Variants in DIXDC1 observed in about 807,000 individuals in gnomAD.
The protein encoded by DIXDC1 is DIX domain containing 1.
In DIXDC1, 64 loss-of-function variants were observed where a neutral mutation model predicts 103.1. That is an observed-to-expected ratio of 0.62 (90% CI 0.51 to 0.76). The LOEUF is 0.76. Ranked by LOEUF, DIXDC1 falls within the 30% of genes least tolerant of loss-of-function variation. The probability of loss-of-function intolerance (pLI) is 0.00; values close to 1 mark genes in which losing one functional copy is unlikely to be tolerated. For missense variants in DIXDC1, 759 were observed against 834.2 expected, an observed-to-expected ratio of 0.91 and a Z score of 1.11; for synonymous variants, 266 against 298.5, an observed-to-expected ratio of 0.89 and a Z score of 1.12.
chr11:112,004,026 TTATA>T lies in DIXDC1; in HGVS notation c.1756+7900_1756+7903del, dbSNP rs34490826. Reference sequence around the variant, plus strand: ...AAACCCCATCTTAAAAAAAAAAAAATTATATATATATATATATATATATGTATGT... The same window carrying T: ...AAACCCCATCTTAAAAAAAAAAAAATTATATATATATATATATATGTATGT... On this transcript the variant is annotated intron_variant, in intron 17 of 19. Transcript: ENST00000440460. 3.2e-3 allele frequency among the ~76,000 whole-genome samples: 406 copies of T among 128,438 alleles called. 3 individuals carry two copies. Among genetic ancestry groups the T allele is most frequent in the South Asian group, 0.015 (61 of 3,940 alleles). 84.3% of individuals were successfully genotyped at this position (128,438 alleles called of 152,430 possible).
At chr11:111,949,563 A>G (rs587654121) in intron 1 of DIXDC1, among the ~76,000 whole-genome samples, 57 of 152,272 alleles carry the variant, frequency 3.7e-4, no homozygotes, top group Non-Finnish European at 6.0e-4. Context: ...GGCTTCTTCA[A>G]TCTGTATGCT....
intron 8 of DIXDC1, among the ~76,000 whole-genome samples, chr11:111,986,427 C>T (rs782281211): frequency 6.7e-4 from 100 of 148,154 alleles, no homozygotes; most frequent in Non-Finnish European, 1.2e-3. Context: ...TGCAGTGGCA[C>T]GATCTTGGCT....
At position 112,016,746 on chromosome 11, in the gene DIXDC1, C is replaced by G. The variant is rs1555177776; in HGVS notation, c.1812C>G (p.Leu604=). ...TCAGCAGCACCTGTACTAAAGTGCT[C>G]TATTTCACTGACCGGTCACTTACGC... ...PTVSSTCTKV[L]YFTDRSLTPF... is the part of the protein sequence containing the mutation. Residue 604 remains leucine, a synonymous_variant, in exon 18 of 20, where the codon CTC becomes CTG. Transcript: ENST00000440460. The G allele has an allele frequency of 6.2e-7, 1 of 1,609,632 alleles. No homozygotes were observed. Among genetic ancestry groups the G allele is most frequent in the African/African-American group, 1.3e-5 (1 of 74,788 alleles).
intron 1 of DIXDC1, among the ~76,000 whole-genome samples, chr11:111,956,761 G>A (rs1185055805): frequency 1.3e-5 from 2 of 152,060 alleles, no homozygotes; most frequent in Non-Finnish European, 2.9e-5. Flanking sequence ...AAGTGCTGGG[G>A]TTACAGGCTT....
intron 1 of DIXDC1, among the ~76,000 whole-genome samples, chr11:111,928,015 C>CAAAAAAAAAAAAAAAAAAAAAAAAAAA (rs782156043): frequency 1.5e-5 from 1 of 68,766 alleles, no homozygotes; most frequent in Non-Finnish European, 2.8e-5. Context: ...GACTCCATCT[C>CAAAAAAAAAAAAAAAAAAAAAAAAAAA]AAAAAAAAAA....
intron 3 of DIXDC1, among the ~76,000 whole-genome samples, chr11:111,971,724 G>C (rs200576752): frequency 0.012 from 1,720 of 147,784 alleles, 33 homozygotes; most frequent in African/African-American, 0.041. Context: ...AATGTGGTGT[G>C]TATATCTATA....
chr11:111,944,811 T>G (rs587716185), intron 1 of DIXDC1, among the ~76,000 whole-genome samples: 1 of 152,348 alleles, frequency 6.6e-6, no homozygotes, highest in Non-Finnish European at 1.5e-5. Context: ...TGACTTCTTC[T>G]GAGGCCTGAC....
chr11:112,009,636 G>A (rs1861351498), intron 17 of DIXDC1, among the ~76,000 whole-genome samples: 1 of 152,168 alleles, frequency 6.6e-6, no homozygotes. Context: ...TCATCCCTGG[G>A]ATGCAAGGCT....
intron 1 of DIXDC1, among the ~76,000 whole-genome samples, chr11:111,962,231 C>T (rs1859604015): frequency 6.6e-6 from 1 of 152,096 alleles, no homozygotes; most frequent in African/African-American, 2.4e-5. Context: ...TCTGTAATCC[C>T]AGCACTTTGG....
chr11:112,010,734 A>G (rs2137630536), intron 17 of DIXDC1, among the ~76,000 whole-genome samples: 1 of 152,362 alleles, frequency 6.6e-6, no homozygotes, highest in South Asian at 2.1e-4. Flanking sequence ...GGTGCTGGGA[A>G]AACTGGCTAG....
At chr11:111,982,197 C>G in intron 6 of DIXDC1, 142 bp from the exon 7 acceptor site, 1 of 851,638 alleles carries the variant, frequency 1.2e-6, no homozygotes, top group South Asian at 2.2e-5. Context: ...CACAACCCCA[C>G]CTGGTGGAGA....
At chr11:111,999,779 C>G (rs2137599495) in intron 17 of DIXDC1, among the ~76,000 whole-genome samples, 1 of 151,884 alleles carries the variant, frequency 6.6e-6, no homozygotes, top group Admixed American at 6.6e-5. Context: ...GCAGGAGAAT[C>G]ACTTGAAACC....
chr11:111,985,555 A>G (rs1310018908), intron 8 of DIXDC1, among the ~76,000 whole-genome samples: 3 of 152,192 alleles, frequency 2.0e-5, no homozygotes, highest in African/African-American at 7.2e-5. Context: ...TGGTAGTAAC[A>G]AAACAGATCT....
At chr11:111,942,717 A>C (rs932681924) in intron 1 of DIXDC1, among the ~76,000 whole-genome samples, 3 of 152,236 alleles carry the variant, frequency 2.0e-5, no homozygotes, top group African/African-American at 7.2e-5. Flanking sequence ...GATATCTTTC[A>C]GAAAATCTTT....
In DIXDC1 at chr11:112,008,257, G is replaced by A. The variant is rs1188283776; in HGVS notation, c.1757-8434G>A. 2.0e-5 allele frequency among the ~76,000 whole-genome samples: 3 copies of A among 151,792 alleles called. No individual in the cohort carries two copies. In the East Asian group the frequency reaches 5.8e-4, roughly 29 times the overall value. ...GGTAAAGGGATCAATTCAACAAGAA[G>A]AGCTAACTATCCTAAATTTATATGC... On this transcript the variant is annotated intron_variant, in intron 17 of 19. Transcript: ENST00000440460.
intron 1 of DIXDC1, chr11:111,945,537 C>G (rs1449905666): frequency 3.9e-5 from 6 of 152,226 alleles, no homozygotes; most frequent in African/African-American, 1.2e-4. Flanking sequence ...CACTGTAAGC[C>G]TAGCTGGAAT....
intron 2 of DIXDC1, among the ~76,000 whole-genome samples, chr11:111,966,207 GTTTTTTTTTTTTTTTTTTTCCT>G (rs1208454711): frequency 7.3e-5 from 8 of 110,256 alleles, no homozygotes; most frequent in Non-Finnish European, 1.5e-4. Flanking sequence ...AAAACCCGGG[GTTTTTTTTTTTTTTTTTTTCCT>G]TTTTTTTTTT....
At chr11:111,972,638 C>T (rs587706178) in intron 3 of DIXDC1, among the ~76,000 whole-genome samples, 9 of 152,328 alleles carry the variant, frequency 5.9e-5, no homozygotes, top group South Asian at 4.1e-4. Flanking sequence ...TCACCTTTCC[C>T]TGTCTCCCCC....
At chr11:111,988,959 A>G in intron 9 of DIXDC1, 46 bp from the exon 10 acceptor site, 1 of 1,563,704 alleles carries the variant, frequency 6.4e-7, no homozygotes, top group Non-Finnish European at 8.7e-7. Context: ...TGCATTCTGA[A>G]GCAACCCAGA....
Sources: gnomAD v4.1 joint callset for allele counts (sites outside exome capture counted in the v4.1 genomes callset) on GRCh38, gnomAD v4.1.1 for gene constraint, MANE v1.5 for transcripts, NCBI Gene and HGNC (gene_info 2026-07-23, HGNC 2026-07-21) for gene names.